GOLGA4: variants seen among roughly 807,000 people sequenced by gnomAD.
The protein encoded by GOLGA4 is golgin A4, also known as golgin subfamily A member 4.
In GOLGA4, 169 loss-of-function variants were observed where a neutral mutation model predicts 265.9. The ratio of observed to expected loss-of-function variants is 0.64; its 90% confidence interval spans 0.56 to 0.72. The LOEUF is 0.72. Ranked by LOEUF, GOLGA4 falls within the 30% of genes least tolerant of loss-of-function variation. The pLI is 0.00. For synonymous variants in GOLGA4, 923 were observed against 855.8 expected (o/e 1.08, Z -1.37); for missense variants, 2,482 against 2,483.4 (o/e 1.00, Z 0.01).
intron 17 of GOLGA4, among the ~76,000 whole-genome samples, chr3:37,336,216 TC>T (rs1176305250): frequency 6.6e-6 from 1 of 152,208 alleles, no homozygotes; most frequent in African/African-American, 2.4e-5. Context: ...TTCTTTACTT[TC>T]TTTTTTTCTT....
intron 16 of GOLGA4, among the ~76,000 whole-genome samples, chr3:37,331,956 C>T (rs1425770279): frequency 6.6e-6 from 1 of 152,168 alleles, no homozygotes; most frequent in Non-Finnish European, 1.5e-5. Context: ...GCTTGTTCCT[C>T]TCCTCTGAAC....
In GOLGA4 at chr3:37,327,085, A is replaced by G. The variant is rs539442032; in HGVS notation, c.5199A>G (p.Thr1733=). 3.5e-5 allele frequency: 56 copies of G among 1,613,802 alleles called. No individual in the cohort carries two copies. In the East Asian group the frequency reaches 1.1e-3, roughly 31 times the overall value. The change falls in exon 14 of 24, where the codon ACA becomes ACG. Residue 1733 remains threonine, a synonymous_variant. Transcript: ENST00000361924. ...ATTCCCAAGGCTGTGTGCAGAAGAC[A>G]TATGAAGAAAAAATCAGTGTTTTAC... ...EADSQGCVQK[T]YEEKISVLQR... is the part of the protein sequence containing the mutation.
chr3:37,266,901 G>C, intron 2 of GOLGA4: 1 of 1,288,060 alleles, frequency 7.8e-7, no homozygotes, highest in Non-Finnish European at 1.0e-6. Flanking sequence ...TCTTTGCTTT[G>C]GATTCCTCCA....
chr3:37,255,173 A>G (rs1303177230), intron 2 of GOLGA4, among the ~76,000 whole-genome samples: 1 of 151,596 alleles, frequency 6.6e-6, no homozygotes, highest in Non-Finnish European at 1.5e-5. Flanking sequence ...TATTATTATT[A>G]TTTTTGAGGC....
intron 2 of GOLGA4, among the ~76,000 whole-genome samples, chr3:37,272,126 G>A (rs1386740620): frequency 1.3e-5 from 2 of 152,018 alleles, no homozygotes; most frequent in African/African-American, 2.4e-5. Flanking sequence ...TGTAATAATA[G>A]AAATTAAGTG....
intron 2 of GOLGA4, among the ~76,000 whole-genome samples, chr3:37,275,242 G>GAAAAA (rs1300662121): frequency 4.0e-5 from 4 of 98,942 alleles, no homozygotes; most frequent in Non-Finnish European, 8.4e-5. Context: ...AAAAAAAAAA[G>GAAAAA]AAAAAAAAAA....
Position 37,325,064 on chromosome 3 carries a change from G to A in GOLGA4, c.3178G>A (p.Glu1060Lys), listed in dbSNP as rs1194141563. The A allele has an allele frequency of 6.2e-7, 1 of 1,612,614 alleles. No individual in the cohort carries two copies. The highest frequency in any genetic ancestry group is 8.5e-7 in the Non-Finnish European group (1 of 1,179,512). ...KLNQQAEELQ[E>K]IHEIQLQEKE... ...TAATCAGCAAGCTGAAGAACTTCAG[G>A]AAATACATGAAATCCAATTACAGGA... The change falls in exon 14 of 24, where the codon GAA (glutamate) becomes AAA (lysine). Residue 1060 changes from glutamate to lysine, a missense_variant. Glu to Lys is a moderately conservative substitution (Grantham distance 56). Transcript: ENST00000361924.
chr3:37,337,178 TC>T lies in GOLGA4; in HGVS notation c.6327+16del. 4 of 1,331,734 alleles carry T rather than the reference TC, an allele frequency of 3.0e-6. No homozygotes were observed. The highest frequency in any genetic ancestry group is 2.0e-5 in the Admixed American group (1 of 49,578). 82.5% of individuals were successfully genotyped at this position (1,331,734 alleles called of 1,614,324 possible). A position where few individuals can be genotyped will look rare whatever the true frequency, so the allele number is the denominator to read the frequency against. On this transcript the variant is annotated intron_variant, in intron 18 of 23. Transcript: ENST00000361924. ...TGGAGCTACAGGTAAGGCTAGTTCT[TC>T]TTTTTTTTTTTTTCTTTTTTTTCTT...
At chr3:37,293,398 A>G (rs2096870010) in intron 5 of GOLGA4, among the ~76,000 whole-genome samples, 1 of 152,180 alleles carries the variant, frequency 6.6e-6, no homozygotes, top group Non-Finnish European at 1.5e-5. Context: ...TAGGGAAGCT[A>G]AAAGATTGGA....
chr3:37,306,468 C>T (rs2096906364), intron 10 of GOLGA4, among the ~76,000 whole-genome samples: 1 of 150,292 alleles, frequency 6.7e-6, no homozygotes, highest in East Asian at 2.0e-4. Flanking sequence ...AATGTTAATG[C>T]TACCGAAGTT....
chr3:37,346,689 A>G (rs954608142), intron 20 of GOLGA4, among the ~76,000 whole-genome samples: 1 of 152,174 alleles, frequency 6.6e-6, no homozygotes, highest in Non-Finnish European at 1.5e-5. Flanking sequence ...TGTGTCATAT[A>G]ATATGCTTGT....
At chr3:37,318,159 A>C (rs572538676) in intron 11 of GOLGA4, among the ~76,000 whole-genome samples, 1 of 152,070 alleles carries the variant, frequency 6.6e-6, no homozygotes, top group South Asian at 2.1e-4. Flanking sequence ...ATGGCTACCA[A>C]ATGGTCTCCA....
At chr3:37,321,140 C>G (rs2096953734) in intron 12 of GOLGA4, among the ~76,000 whole-genome samples, 1 of 152,136 alleles carries the variant, frequency 6.6e-6, no homozygotes, top group Admixed American at 6.5e-5. Context: ...CTGTCTAGAG[C>G]TTCTCTTCTT....
intron 2 of GOLGA4, chr3:37,275,847 C>T: frequency 6.2e-7 from 1 of 1,613,748 alleles, no homozygotes; most frequent in Non-Finnish European, 8.5e-7. Context: ...TCAGTTAATG[C>T]TATTCGCAAG....
At chr3:37,314,054 T>C (rs775464121) in intron 10 of GOLGA4, among the ~76,000 whole-genome samples, 29 of 151,822 alleles carry the variant, frequency 1.9e-4, no homozygotes, top group Non-Finnish European at 3.4e-4. Context: ...CTGCAGCCTC[T>C]GTCTCCCAGA....
chr3:37,335,024 CT>C, intron 16 of GOLGA4, 28 bp from the exon 17 acceptor site: 4 of 1,356,532 alleles, frequency 2.9e-6, no homozygotes, highest in South Asian at 1.4e-5. Flanking sequence ...TTTTCTTTTC[CT>C]TTTTTTCTTT....
intron 22 of GOLGA4, among the ~76,000 whole-genome samples, chr3:37,356,527 T>C (rs1447144592): frequency 2.0e-5 from 3 of 152,202 alleles, no homozygotes; most frequent in Non-Finnish European, 4.4e-5. Flanking sequence ...AGCAGTGCTT[T>C]AGTTATTTCT....
chr3:37,277,653 A>G (rs886079043), intron 2 of GOLGA4, among the ~76,000 whole-genome samples: 85 of 152,190 alleles, frequency 5.6e-4, no homozygotes, highest in South Asian at 6.2e-4. Flanking sequence ...AACTGAATAT[A>G]TGGGCTATAG....
chr3:37,306,043 T>G (rs1013282277), intron 10 of GOLGA4, among the ~76,000 whole-genome samples: 6 of 152,248 alleles, frequency 3.9e-5, no homozygotes, highest in Non-Finnish European at 7.3e-5. Context: ...TTTCTTTGTT[T>G]TATTTTTCTG....
Sources: allele counts gnomAD v4.1 joint callset (sites outside exome capture counted in the v4.1 genomes callset), GRCh38; gene constraint gnomAD v4.1.1; transcripts MANE v1.5; gene names NCBI Gene and HGNC (gene_info 2026-07-23, HGNC 2026-07-21).